PARD3B: variants seen among roughly 807,000 people sequenced by gnomAD.
The protein encoded by PARD3B is partitioning defective 3 homolog B.
Under a neutral mutation model 130.2 loss-of-function variants are expected in PARD3B, and 103 were observed. The ratio of observed to expected loss-of-function variants is 0.79; its 90% confidence interval spans 0.67 to 0.93. PARD3B has a LOEUF of 0.93. PARD3B is among the 40% of genes least tolerant of loss of function. The pLI is 0.00. For synonymous variants in PARD3B, 583 were observed against 553.2 expected, an observed-to-expected ratio of 1.05 and a Z score of -0.76; for missense variants, 1,609 against 1,499.2, an observed-to-expected ratio of 1.07 and a Z score of -1.21.
At chr2:205,367,092 G>C (rs2044637577) in intron 18 of PARD3B, among the ~76,000 whole-genome samples, 1 of 152,202 alleles carries the variant, frequency 6.6e-6, no homozygotes, top group African/African-American at 2.4e-5. Context: ...CCTTCAAATA[G>C]TGCCTTGCAT....
chr2:204,843,499 C>A lies in PARD3B; in HGVS notation c.223-121653C>A, dbSNP rs539602645. On this transcript the variant is annotated intron_variant, in intron 2 of 22. Transcript: ENST00000406610. ...CCACCTGTGGGGTTCAAGTGACTCT[C>A]CTGCCTCAGCCTCTTGAGTAGCTGG... Among the ~76,000 whole-genome samples the A allele has an allele frequency of 2.0e-5, 3 of 152,138 alleles. No individual in the cohort carries two copies. In the South Asian group the frequency reaches 6.2e-4, roughly 32 times the overall value.
chr2:204,629,797 A>T (rs1044267360), intron 1 of PARD3B, among the ~76,000 whole-genome samples: 1 of 152,186 alleles, frequency 6.6e-6, no homozygotes, highest in Non-Finnish European at 1.5e-5. Flanking sequence ...TATTCTATTA[A>T]TATCTTATTG....
In PARD3B at chr2:205,618,045, C is replaced by T. The variant is rs975012378; in HGVS notation, c.*2232C>T. The T allele has an allele frequency of 6.6e-6, 1 of 152,118 alleles. No homozygotes were observed. Among genetic ancestry groups the T allele is most frequent in the Non-Finnish European group, 1.5e-5 (1 of 68,046 alleles). 9.4% of individuals were successfully genotyped at this position (152,118 alleles called of 1,614,324 possible). A position where few individuals can be genotyped will look rare whatever the true frequency, so the allele number is the denominator to read the frequency against. On this transcript the variant is annotated 3_prime_UTR_variant, in exon 23 of 23. Coordinates refer to ENST00000406610, the MANE Select transcript of PARD3B (RefSeq NM_001302769.2). ...CATGTTTTCACCTGCAGCGTTGCCA[C>T]CAGAGTGTGCAATACCTCCTGCACA...
chr2:205,192,409 G>A lies in PARD3B; in HGVS notation c.2025-796G>A, dbSNP rs554391863. On this transcript the variant is annotated intron_variant, in intron 14 of 22. Coordinates refer to ENST00000406610, the MANE Select transcript of PARD3B (RefSeq NM_001302769.2). ...ATATTTACTTTCCAAACAGATGAGA[G>A]TGCCAAGGTAAGAAAATGGCTATAA... Among the ~76,000 whole-genome samples, 8 of 152,194 alleles carry A rather than the reference G, an allele frequency of 5.3e-5. No individual in the cohort carries two copies. In the South Asian group the frequency reaches 1.7e-3, roughly 32 times the overall value.
At position 205,150,252 on chromosome 2, in the gene PARD3B, T is replaced by TGTGTGC. The variant is rs375301293; in HGVS notation, c.1435-8469_1435-8468insTGTGCG. On this transcript the variant is annotated intron_variant, in intron 10 of 22. Transcript: ENST00000406610. ...GTGTGTGTGTGTGTGTGTGTGTGTG[T>TGTGTGC]GCACACACGCTTGAAATCTGTGAGT... Among the ~76,000 whole-genome samples the TGTGTGC allele has an allele frequency of 1.7e-3, 247 of 145,882 alleles. 2 individuals are homozygous for TGTGTGC. Among genetic ancestry groups the TGTGTGC allele is most frequent in the African/African-American group, 6.1e-3 (237 of 38,960 alleles).
chr2:205,591,969 T>C lies in PARD3B; in HGVS notation c.3261-23487T>C, dbSNP rs1333580757. On this transcript the variant is annotated intron_variant, in intron 22 of 22. Transcript: ENST00000406610. The surrounding 1 kb of genome is among the most constrained non-coding windows in gnomAD (Gnocchi z 4.2). ...GACATTAAGATTCAAGGCTAGGATC[T>C]CATTTAATGGTCACACCTAGACAAA... is the stretch of plus-strand genomic sequence containing the variant. 1.3e-5 allele frequency among the ~76,000 whole-genome samples: 2 copies of C among 152,198 alleles called. No individual in the cohort carries two copies. Among genetic ancestry groups the C allele is most frequent in the Non-Finnish European group, 2.9e-5 (2 of 68,028 alleles).
intron 1 of PARD3B, among the ~76,000 whole-genome samples, chr2:204,593,232 C>T (rs755370424): frequency 1.8e-4 from 27 of 152,088 alleles, no homozygotes; most frequent in Non-Finnish European, 3.2e-4. Context: ...GCACAAAATC[C>T]AATCAAACAC....
intron 2 of PARD3B, among the ~76,000 whole-genome samples, chr2:204,695,593 G>A (rs1053951044): frequency 3.3e-5 from 5 of 152,070 alleles, no homozygotes; most frequent in African/African-American, 1.2e-4. Flanking sequence ...CAGCTTTTAG[G>A]AGGAGGATCA....
intron 3 of PARD3B, among the ~76,000 whole-genome samples, chr2:204,994,716 A>T (rs1693994755): frequency 6.8e-6 from 1 of 148,078 alleles, no homozygotes; most frequent in South Asian, 2.2e-4. Context: ...TGGGAGTCTA[A>T]GTCTCTTTGT....
At chr2:205,236,131 A>G (rs769687983) in intron 15 of PARD3B, among the ~76,000 whole-genome samples, 25 of 152,248 alleles carry the variant, frequency 1.6e-4, no homozygotes, top group Non-Finnish European at 3.5e-4. Flanking sequence ...TCAAATGATC[A>G]TATTCATGCA....
intron 20 of PARD3B, among the ~76,000 whole-genome samples, chr2:205,457,635 A>G (rs1416987876): frequency 6.6e-6 from 1 of 151,866 alleles, no homozygotes; most frequent in Non-Finnish European, 1.5e-5. Flanking sequence ...TTGTTTTAAA[A>G]CAGTTTTATT....
intron 1 of PARD3B, among the ~76,000 whole-genome samples, chr2:204,588,234 C>G (rs778152446): frequency 2.0e-5 from 3 of 152,108 alleles, no homozygotes; most frequent in Non-Finnish European, 2.9e-5. Context: ...ATTTAAGATT[C>G]TTTTATGCAG....
At position 204,688,364 on chromosome 2, in the gene PARD3B, G is replaced by A. The variant is rs191362453; in HGVS notation, c.222+2082G>A. 1.3e-3 allele frequency among the ~76,000 whole-genome samples: 197 copies of A among 152,066 alleles called. 3 individuals carry two copies. The highest frequency in any genetic ancestry group is 5.1e-4 in the Non-Finnish European group (35 of 67,966). ...GGAGGCTAAGGTGGGTGGATCACGA[G>A]GTCAGGAGATCAGGATCATCCTGGC... On this transcript the variant is annotated intron_variant, in intron 2 of 22. Transcript: ENST00000406610.
At chr2:205,071,441 A>G (rs1344416093) in intron 4 of PARD3B, among the ~76,000 whole-genome samples, 1 of 152,194 alleles carries the variant, frequency 6.6e-6, no homozygotes. Flanking sequence ...CTTAGGGAAA[A>G]TATGTGAATA....
intron 19 of PARD3B, among the ~76,000 whole-genome samples, chr2:205,430,927 T>C (rs552148403): frequency 6.6e-6 from 1 of 152,338 alleles, no homozygotes; most frequent in South Asian, 2.1e-4. Context: ...TACCAAGGAA[T>C]AATTGTTAAT....
In PARD3B at chr2:205,574,273, A is replaced by G. The variant is rs138174132; in HGVS notation, c.3260+20870A>G. Reference sequence around the variant, plus strand: ...TTTGTAGATTGCCTAAACATAATTTACCACAGGCAGACAACGAACAAGACA... The same window carrying G: ...TTTGTAGATTGCCTAAACATAATTTGCCACAGGCAGACAACGAACAAGACA... On this transcript the variant is annotated intron_variant, in intron 22 of 22. Transcript: ENST00000406610. Among the ~76,000 whole-genome samples the G allele has an allele frequency of 4.6e-3, 708 of 152,346 alleles. 10 individuals are homozygous for G. The highest frequency in any genetic ancestry group is 0.016 in the African/African-American group (674 of 41,582).
chr2:205,035,022 G>A (rs367606074), intron 3 of PARD3B, among the ~76,000 whole-genome samples: 2 of 151,728 alleles, frequency 1.3e-5, no homozygotes, highest in Admixed American at 6.6e-5. Context: ...CACCACGCCC[G>A]GCTGATTTTT....
intron 2 of PARD3B, among the ~76,000 whole-genome samples, chr2:204,844,302 T>C (rs2044375455): frequency 6.6e-6 from 1 of 152,156 alleles, no homozygotes; most frequent in Non-Finnish European, 1.5e-5. Context: ...ACCACTACGA[T>C]TAAATTGTAG....
intron 22 of PARD3B, among the ~76,000 whole-genome samples, chr2:205,559,944 A>G (rs1216160810): frequency 9.2e-5 from 14 of 152,156 alleles, no homozygotes; most frequent in Admixed American, 7.2e-4. Context: ...ACTATGTACA[A>G]GACACAGTTC....
Sources: allele counts gnomAD v4.1 joint callset (sites outside exome capture counted in the v4.1 genomes callset), GRCh38; gene constraint gnomAD v4.1.1; non-coding constraint Gnocchi (gnomAD v3.1); transcripts MANE v1.5; gene names NCBI Gene and HGNC (gene_info 2026-07-23, HGNC 2026-07-21).